Variants in KLF8 observed in about 807,000 individuals in gnomAD.
KLF8 encodes the protein Krueppel-like factor 8.
KLF8 carries 10 observed loss-of-function variants against 18.2 expected under a neutral mutation model. The observed-to-expected ratio is 0.55, with a 90% confidence interval of 0.34 to 0.93. The LOEUF is 0.93. KLF8 is among the 40% of genes least tolerant of loss of function. The pLI is 0.02. For synonymous variants in KLF8, 109 were observed against 97.3 expected, an observed-to-expected ratio of 1.12 and a Z score of -0.71; for missense variants, 264 against 277.9, an observed-to-expected ratio of 0.95 and a Z score of 0.36.
At chrX:56,140,643 T>C in the KLF8 span, among the ~76,000 whole-genome samples, 1 of 109,710 alleles carries the variant, frequency 9.1e-6, no homozygotes, top group African/African-American at 3.3e-5. Flanking sequence ...GAAAAACTGC[T>C]TATTGAGTAC....
the KLF8 span, among the ~76,000 whole-genome samples, chrX:56,082,653 T>C: frequency 1.8e-5 from 2 of 111,391 alleles, no homozygotes; most frequent in African/African-American, 6.5e-5. Context: ...TCTGTTTTGC[T>C]TCCTCAGAAG....
At chrX:56,099,059 A>C in the KLF8 span, among the ~76,000 whole-genome samples, 1 of 111,976 alleles carries the variant, frequency 8.9e-6, no homozygotes, top group Non-Finnish European at 1.9e-5. Flanking sequence ...TCTTTACTGC[A>C]CTTTGCAGAT....
the KLF8 span, among the ~76,000 whole-genome samples, chrX:55,963,384 T>A: frequency 9.0e-6 from 1 of 111,367 alleles, no homozygotes; most frequent in Non-Finnish European, 1.9e-5. Flanking sequence ...TTTCACATCA[T>A]GAGTTAGGTG....
At chrX:56,143,196 C>A in the KLF8 span, among the ~76,000 whole-genome samples, 1 of 111,450 alleles carries the variant, frequency 9.0e-6, no homozygotes, top group Admixed American at 9.6e-5. Flanking sequence ...AACAGACATG[C>A]TCTCGTCTCA....
At position 56,284,272 on chromosome X, in the gene KLF8, C is replaced by T. The variant is rs1053557569; in HGVS notation, c.899-41C>T. ...ATTATCTTTCTAGTATCCGATCATC[C>T]TCTCTCTGATTCTCTTTTTTTTGTC... On this transcript the variant is annotated intron_variant, in intron 5 of 5. Coordinates refer to ENST00000468660, the MANE Select transcript of KLF8 (RefSeq NM_007250.5). The T allele has an allele frequency of 1.3e-5, 13 of 981,431 alleles. No homozygotes were observed. In the Admixed American group the frequency reaches 4.2e-4, roughly 32 times the overall value. The allele number at this position is 981,431 out of a possible 1,213,427, so 80.9% of individuals were successfully genotyped here. A position where few individuals can be genotyped will look rare whatever the true frequency, so the allele number is the denominator to read the frequency against.
chrX:56,186,656 C>T, the KLF8 span, among the ~76,000 whole-genome samples: 1 of 111,669 alleles, frequency 9.0e-6, no homozygotes, highest in South Asian at 3.7e-4. Flanking sequence ...TGTAAAAGAT[C>T]AGAAATTATA....
chrX:56,245,673 A>C (rs1398817473), intron 1 of KLF8, among the ~76,000 whole-genome samples: 1 of 112,308 alleles, frequency 8.9e-6, no homozygotes, highest in Non-Finnish European at 1.9e-5. Flanking sequence ...TTATTACCTC[A>C]AGTTGGTAAT....
At chrX:55,932,425 T>A in the KLF8 span, among the ~76,000 whole-genome samples, 1 of 111,546 alleles carries the variant, frequency 9.0e-6, no homozygotes, top group Non-Finnish European at 1.9e-5. Context: ...TGATAGCTGG[T>A]TATTTTGCCC....
the KLF8 span, among the ~76,000 whole-genome samples, chrX:55,915,643 AC>A: frequency 8.9e-6 from 1 of 112,300 alleles, no homozygotes; most frequent in Admixed American, 9.4e-5. Context: ...AGATGATTTC[AC>A]ATAAAATAAG....
the KLF8 span, among the ~76,000 whole-genome samples, chrX:56,067,460 G>T: frequency 1.8e-5 from 2 of 110,715 alleles, no homozygotes; most frequent in South Asian, 8.0e-4. Flanking sequence ...GTAGACTAGA[G>T]GCAGCTCATG....
chrX:55,977,858 G>T, the KLF8 span, among the ~76,000 whole-genome samples: 1 of 110,969 alleles, frequency 9.0e-6, no homozygotes, highest in South Asian at 3.8e-4. Flanking sequence ...CAGTCCAGGA[G>T]CCTCTTTATA....
chrX:56,203,039 A>AC, the KLF8 span, among the ~76,000 whole-genome samples: 1 of 111,449 alleles, frequency 9.0e-6, no homozygotes, highest in African/African-American at 3.3e-5. Flanking sequence ...TTACACCCCC[A>AC]CCCAAAATAT....
the KLF8 span, among the ~76,000 whole-genome samples, chrX:56,010,326 G>T: frequency 1.8e-5 from 2 of 111,291 alleles, no homozygotes; most frequent in African/African-American, 6.6e-5. Flanking sequence ...TTAAATAAAA[G>T]AATTTTCAAC....
At chrX:55,955,586 T>C in the KLF8 span, among the ~76,000 whole-genome samples, 1 of 111,434 alleles carries the variant, frequency 9.0e-6, no homozygotes, top group Admixed American at 9.5e-5. Flanking sequence ...AAACAAAAAA[T>C]GTTTTATGGG....
At chrX:56,026,981 C>T in the KLF8 span, among the ~76,000 whole-genome samples, 1 of 112,665 alleles carries the variant, frequency 8.9e-6, no homozygotes, top group South Asian at 3.6e-4. Flanking sequence ...CGCATTGCTG[C>T]GCTACTGTTT....
the KLF8 span, among the ~76,000 whole-genome samples, chrX:56,158,059 T>C: frequency 8.9e-6 from 1 of 112,029 alleles, no homozygotes; most frequent in African/African-American, 3.2e-5. Context: ...CTTGAATTAA[T>C]TTTTGTATAA....
At chrX:56,010,104 C>A in the KLF8 span, among the ~76,000 whole-genome samples, 4 of 111,426 alleles carry the variant, frequency 3.6e-5, no homozygotes, top group African/African-American at 1.3e-4. Context: ...TCAGGAAACA[C>A]GGAGAACCTC....
At chrX:56,104,772 A>G in the KLF8 span, among the ~76,000 whole-genome samples, 70 of 108,932 alleles carry the variant, frequency 6.4e-4, no homozygotes, top group Non-Finnish European at 1.1e-3. Flanking sequence ...GAATGTGTTT[A>G]CTCTTGCTTC....
the KLF8 span, among the ~76,000 whole-genome samples, chrX:56,139,733 A>T: frequency 2.7e-5 from 3 of 111,926 alleles, no homozygotes; most frequent in African/African-American, 9.7e-5. Context: ...ATTTCATGAC[A>T]AAGATTCCAA....
Sources: allele counts gnomAD v4.1 joint callset (sites outside exome capture counted in the v4.1 genomes callset), GRCh38; gene constraint gnomAD v4.1.1; transcripts MANE v1.5; gene names NCBI Gene and HGNC (gene_info 2026-07-23, HGNC 2026-07-21).